CCDC186: variants seen among roughly 807,000 people sequenced by gnomAD.
CCDC186 encodes the protein coiled-coil domain-containing protein 186.
Under a neutral mutation model 113.7 loss-of-function variants are expected in CCDC186, and 49 were observed. The observed-to-expected ratio is 0.43, with a 90% CI of 0.34 to 0.55. CCDC186 has a LOEUF of 0.55. CCDC186 is among the 20% of genes least tolerant of loss of function. CCDC186 has a pLI of 0.02. For synonymous variants in CCDC186, 355 were observed against 345.8 expected, an observed-to-expected ratio of 1.03 and a Z score of -0.30; for missense variants, 890 against 1,011.1, an observed-to-expected ratio of 0.88 and a Z score of 1.62.
At chr10:114,152,585 A>C (rs2031888449) in intron 3 of CCDC186, among the ~76,000 whole-genome samples, 1 of 152,214 alleles carries the variant, frequency 6.6e-6, no homozygotes, top group African/African-American at 2.4e-5. Flanking sequence ...TGAAGGAGGA[A>C]TAGGGGAAGA....
intron 2 of CCDC186, among the ~76,000 whole-genome samples, 197 bp from the exon 3 acceptor site, chr10:114,157,877 T>C (rs1412834840): frequency 6.6e-6 from 1 of 152,242 alleles, no homozygotes; most frequent in African/African-American, 2.4e-5. Context: ...ATTAGGCTAT[T>C]AACTTTTCCC....
rs1564907304 is a variant in CCDC186 at position 114,135,875 on chromosome 10, C to T, written c.1512+16G>A. 6.3e-7 allele frequency: 1 copy of T among 1,575,396 alleles called. No individual in the cohort carries two copies. The highest frequency in any genetic ancestry group is 1.3e-5 in the African/African-American group (1 of 74,088). The stretch of plus-strand genomic sequence containing the variant: ...ATTTACCCTTCCTCTGGATTCATGA[C>T]TAAAGACTGAATTACCTTTGTTCTC... On this transcript the variant is annotated intron_variant, in intron 9 of 15. Coordinates refer to ENST00000369287, the MANE Select transcript of CCDC186 (RefSeq NM_018017.4).
At chr10:114,161,702 A>G (rs1311043427) in intron 2 of CCDC186, 1 of 152,216 alleles carries the variant, frequency 6.6e-6, no homozygotes, top group Non-Finnish European at 1.5e-5. Flanking sequence ...GGTAATATCA[A>G]GAAGGGCCTT....
intron 7 of CCDC186, among the ~76,000 whole-genome samples, chr10:114,136,824 A>G (rs660601): frequency 0.59 from 89,864 of 152,090 alleles, 28,204 homozygotes; most frequent in African/African-American, 0.82. Context: ...AAATTTAATG[A>G]AACAAGAGAA....
chr10:114,146,818 T>C (rs2031653408), intron 4 of CCDC186, among the ~76,000 whole-genome samples: 1 of 152,228 alleles, frequency 6.6e-6, no homozygotes, highest in Non-Finnish European at 1.5e-5. Context: ...TAAAATAAAG[T>C]GAGCAGAATG....
At chr10:114,125,828 A>C in intron 15 of CCDC186, 58 bp downstream of exon 15, 1 of 1,441,040 alleles carries the variant, frequency 6.9e-7, no homozygotes, top group Non-Finnish European at 9.7e-7. Flanking sequence ...TCAGACTGTG[A>C]AACAGGCATC....
chr10:114,164,562 T>C (rs10509997), intron 1 of CCDC186, among the ~76,000 whole-genome samples: 9,456 of 152,276 alleles, frequency 0.062, 323 homozygotes, highest in Non-Finnish European at 0.078. Context: ...TGACTTCTTT[T>C]GTCAGGTATC....
Position 114,126,222 on chromosome 10 carries a change from A to C in CCDC186, c.2394-117T>G. ...AAATAAATATTAGGTTAATAACCTA[A>C]CTATATTAGAAAAGAATTCTCCTTA... On this transcript the variant is annotated intron_variant, in intron 14 of 15. Transcript: ENST00000369287. The C allele has an allele frequency of 4.1e-6, 3 of 725,474 alleles. No homozygotes were observed. In the South Asian group the frequency reaches 5.9e-5, roughly 14 times the overall value. 44.9% of individuals were successfully genotyped at this position (725,474 alleles called of 1,614,324 possible).
chr10:114,127,477 T>A lies in CCDC186; in HGVS notation c.2377A>T (p.Ile793Phe). ...AATACATACTTTGTTTTTTTCCTAATTTCTTCCACCAGTTGTTTGATGTGG... is the reference window on the plus strand; with the variant it reads ...AATACATACTTTGTTTTTTTCCTAAATTCTTCCACCAGTTGTTTGATGTGG... ...EDHIKQLVEE[I>F]RKKTKIIQSY... The change falls in exon 14 of 16, where the codon ATT becomes TTT. Residue 793 changes from isoleucine to phenylalanine, a missense_variant. Coordinates refer to ENST00000369287, the MANE Select transcript of CCDC186 (RefSeq NM_018017.4). 1.2e-6 allele frequency: 2 copies of A among 1,613,904 alleles called. No homozygotes were observed. Among genetic ancestry groups the A allele is most frequent in the Non-Finnish European group, 1.7e-6 (2 of 1,179,952 alleles).
chr10:114,145,822 A>C, intron 4 of CCDC186, 61 bp from the exon 5 acceptor site: 1 of 1,418,964 alleles, frequency 7.0e-7, no homozygotes, highest in Non-Finnish European at 9.5e-7. Context: ...AAATGTATTG[A>C]AATACATGGT....
chr10:114,135,130 T>C (rs1293266213), intron 9 of CCDC186, 75 bp from the exon 10 acceptor site: 3 of 1,364,020 alleles, frequency 2.2e-6, no homozygotes, highest in Non-Finnish European at 2.9e-6. Context: ...AGTGGTTACA[T>C]ATGAATAATC....
At chr10:114,164,589 GGTAA>G (rs1184948127) in intron 1 of CCDC186, among the ~76,000 whole-genome samples, 4 of 152,054 alleles carry the variant, frequency 2.6e-5, no homozygotes, top group Non-Finnish European at 5.9e-5. Context: ...GCATGTACAA[GGTAA>G]TGAGTTACTG....
intron 13 of CCDC186, 71 bp downstream of exon 13, chr10:114,129,820 A>G: frequency 1.4e-6 from 2 of 1,421,488 alleles, no homozygotes; most frequent in Non-Finnish European, 2.0e-6. Flanking sequence ...GTGAGCCATC[A>G]CACCTGGCCA....
At position 114,164,102 on chromosome 10, in the gene CCDC186, G is replaced by A. The variant is rs868297083; in HGVS notation, c.-61-773C>T. On this transcript the variant is annotated intron_variant, in intron 1 of 15. Coordinates refer to ENST00000369287, the MANE Select transcript of CCDC186 (RefSeq NM_018017.4). ...TGTGTGTGTGTGTGTGTGTGTGTGT[G>A]TATATATATATATTTTTTTTTTTTT... Among the ~76,000 whole-genome samples, 326 of 101,114 alleles carry A rather than the reference G, an allele frequency of 3.2e-3. 1 individual carries two copies. Among genetic ancestry groups the A allele is most frequent in the African/African-American group, 7.3e-3 (171 of 23,434 alleles). The allele number at this position is 101,114 out of a possible 152,430, so 66.3% of individuals were successfully genotyped here.
intron 15 of CCDC186, 47 bp from the exon 16 acceptor site, chr10:114,125,273 T>A (rs969528715): frequency 5.8e-6 from 8 of 1,380,130 alleles, no homozygotes; most frequent in Admixed American, 1.9e-5. Flanking sequence ...AACAAAAGTA[T>A]AATAAATAAA....
In CCDC186 at chr10:114,132,201, A is replaced by G; in HGVS notation, c.1656-17T>C. 2.0e-6 allele frequency: 3 copies of G among 1,489,772 alleles called. No individual in the cohort carries two copies. The highest frequency in any genetic ancestry group is 2.7e-6 in the Non-Finnish European group (3 of 1,101,636). 92.3% of individuals were successfully genotyped at this position (1,489,772 alleles called of 1,614,324 possible). On this transcript the variant is annotated splice_polypyrimidine_tract_variant and intron_variant, in intron 10 of 15. Transcript: ENST00000369287. ...TGCTTACCTCTAAAACACAAAATTT[A>G]TATTTAAGAAAAAATAAACCATTAA...
At chr10:114,155,663 G>A (rs970764339) in intron 3 of CCDC186, among the ~76,000 whole-genome samples, 2 of 151,386 alleles carry the variant, frequency 1.3e-5, no homozygotes, top group African/African-American at 4.9e-5. Flanking sequence ...CAACAAGAGC[G>A]AAACCCCATC....
intron 11 of CCDC186, 34 bp downstream of exon 11, chr10:114,131,895 C>G: frequency 1.9e-6 from 3 of 1,545,650 alleles, no homozygotes; most frequent in Non-Finnish European, 2.6e-6. Context: ...GTGCTTGTTA[C>G]GTTGTTTTAA....
At chr10:114,160,799 A>T (rs191177924) in intron 2 of CCDC186, among the ~76,000 whole-genome samples, 12 of 152,342 alleles carry the variant, frequency 7.9e-5, no homozygotes, top group Admixed American at 3.9e-4. Context: ...TTAAGAAAAA[A>T]ATTTAGTTGT....
Sources: gnomAD v4.1 joint callset for allele counts (sites outside exome capture counted in the v4.1 genomes callset) on GRCh38, gnomAD v4.1.1 for gene constraint, MANE v1.5 for transcripts, NCBI Gene and HGNC (gene_info 2026-07-23, HGNC 2026-07-21) for gene names.